The following THBS4 variants were observed in gnomAD, a reference collection of about 807,000 sequenced individuals.
THBS4 encodes the protein thrombospondin-4.
A neutral mutation model predicts 115.7 loss-of-function variants in THBS4; 90 were observed. The ratio of observed to expected loss-of-function variants is 0.78; its 90% confidence interval spans 0.66 to 0.93. The LOEUF (loss-of-function observed/expected upper bound fraction) is 0.93. Among genes scored for constraint, THBS4 ranks in the 40% least tolerant of loss-of-function variants. The pLI is 0.00. For missense variants in THBS4, 1,087 were observed against 1,232.7 expected (o/e 0.88, Z 1.77); for synonymous variants, 460 against 479.3 (o/e 0.96, Z 0.53).
At chr5:80,034,895 A>T (rs1832660014), upstream of THBS4, among the ~76,000 whole-genome samples, 1 of 152,210 alleles carries the variant, frequency 6.6e-6, no homozygotes, top group East Asian at 1.9e-4. Context: ...GGAGAACTTC[A>T]GGATTCATTC....
intron 10 of THBS4, among the ~76,000 whole-genome samples, chr5:80,069,242 G>A (rs1057287105): frequency 6.6e-6 from 1 of 152,200 alleles, no homozygotes; most frequent in Non-Finnish European, 1.5e-5. Context: ...TTTCCACAAT[G>A]AGCCTACCAC....
chr5:80,035,633 G>T lies in THBS4; in HGVS notation c.88+8G>T, dbSNP rs755066473. 24 of 1,346,020 alleles carry T rather than the reference G, an allele frequency of 1.8e-5. No individual in the cohort carries two copies. Among genetic ancestry groups the T allele is most frequent in the Non-Finnish European group, 2.0e-5 (21 of 1,046,926 alleles). The allele number at this position is 1,346,020 out of a possible 1,614,324, so 83.4% of individuals were successfully genotyped here. A position where few individuals can be genotyped will look rare whatever the true frequency, so the allele number is the denominator to read the frequency against. On this transcript the variant is annotated splice_region_variant and intron_variant, in intron 1 of 21. Coordinates refer to ENST00000350881, the MANE Select transcript of THBS4 (RefSeq NM_003248.6). The surrounding 1 kb of genome is among the most constrained non-coding windows in gnomAD (Gnocchi z 4.6). ...CCCAGGCCACCCCCCAGGGTAAGTGGGTTCGGGTCGGGCCTGGGAGCGCCG... is the reference window on the plus strand; with the variant it reads ...CCCAGGCCACCCCCCAGGGTAAGTGTGTTCGGGTCGGGCCTGGGAGCGCCG...
At chr5:80,078,285 A>C in intron 17 of THBS4, 58 bp downstream of exon 17, 7 of 1,420,070 alleles carry the variant, frequency 4.9e-6, no homozygotes. Flanking sequence ...GGCCCTTCTG[A>C]TAGTGGTAGG....
intron 19 of THBS4, among the ~76,000 whole-genome samples, chr5:80,079,693 T>C (rs1346670039): frequency 6.6e-6 from 1 of 152,098 alleles, no homozygotes; most frequent in Non-Finnish European, 1.5e-5. Context: ...GGAACAAACA[T>C]GGAATGTGTA....
chr5:80,040,853 G>A (rs971503679), intron 2 of THBS4, among the ~76,000 whole-genome samples: 8 of 152,212 alleles, frequency 5.3e-5, no homozygotes, highest in Middle Eastern at 3.2e-3. Flanking sequence ...GTGTCACAAC[G>A]TGGTGGAGAA....
chr5:80,028,809 C>G (rs902895325), intron 2 of THBS4, among the ~76,000 whole-genome samples: 14 of 152,118 alleles, frequency 9.2e-5, no homozygotes, highest in African/African-American at 3.4e-4. Flanking sequence ...GTATTTATTT[C>G]TGGCTTCTCC....
chr5:80,029,679 G>A (rs1486511461), intron 2 of THBS4, among the ~76,000 whole-genome samples: 1 of 151,944 alleles, frequency 6.6e-6, no homozygotes. Context: ...TCTACTTTGG[G>A]CCAGGCGCGG....
At position 80,059,846 on chromosome 5, in the gene THBS4, T is replaced by G. The variant is rs780062030; in HGVS notation, c.928T>G (p.Cys310Gly). ...TACCGACAGTAGAGATGGCTTCCAG[T>G]GTGGGCCCTGCCCCGAGGGCTACAC... Reference protein sequence around the residue: ...QCTDSRDGFQCGPCPEGYTGN... With the variant: ...QCTDSRDGFQGGPCPEGYTGN... Residue 310 changes from cysteine (C) to glycine (G), a missense_variant, in exon 7 of 22, where the codon TGT becomes GGT. Cys to Gly is a radical substitution (Grantham distance 159). Transcript: ENST00000350881. 1 of 1,613,704 alleles carries G rather than the reference T, an allele frequency of 6.2e-7. No homozygotes were observed. The highest frequency in any genetic ancestry group is 8.5e-7 in the Non-Finnish European group (1 of 1,179,926).
chr5:80,004,467 G>A (rs979827002), intron 2 of THBS4, among the ~76,000 whole-genome samples: 3 of 152,126 alleles, frequency 2.0e-5, no homozygotes, highest in African/African-American at 7.2e-5. Flanking sequence ...ACACTAGGGT[G>A]GCCCCTTGTT....
chr5:80,061,602 T>C, intron 7 of THBS4, 93 bp from the exon 8 acceptor site: 1 of 1,431,924 alleles, frequency 7.0e-7, no homozygotes, highest in Non-Finnish European at 9.3e-7. Flanking sequence ...AAAAGATAGT[T>C]AAATGACTAA....
At chr5:80,076,724 C>A in intron 15 of THBS4, 131 bp from the exon 16 acceptor site, 7 of 880,808 alleles carry the variant, frequency 7.9e-6, no homozygotes, top group Non-Finnish European at 1.1e-5. Flanking sequence ...GGGAATGACC[C>A]CAGTGGGTTT....
At chr5:80,042,850 C>G (rs1183353878) in intron 2 of THBS4, among the ~76,000 whole-genome samples, 1 of 152,122 alleles carries the variant, frequency 6.6e-6, no homozygotes, top group African/African-American at 2.4e-5. Context: ...CCTATAGTCA[C>G]AGCTACTCGG....
At chr5:80,029,685 C>T (rs930594134) in intron 2 of THBS4, among the ~76,000 whole-genome samples, 19 of 151,954 alleles carry the variant, frequency 1.3e-4, no homozygotes, top group Non-Finnish European at 1.6e-4. Context: ...TTGGGCCAGG[C>T]GCGGTGGCTC....
At chr5:79,992,710 G>C (rs1006170998) in intron 1 of THBS4, among the ~76,000 whole-genome samples, 1 of 152,176 alleles carries the variant, frequency 6.6e-6, no homozygotes, top group Non-Finnish European at 1.5e-5. Context: ...GGAGTTTACA[G>C]TGCACAAAGG....
chr5:80,068,140 G>T lies in THBS4; in HGVS notation c.1347+15G>T. 6.2e-7 allele frequency: 1 copy of T among 1,612,912 alleles called. No homozygotes were observed. The highest frequency in any genetic ancestry group is 1.1e-5 in the South Asian group (1 of 90,876). On this transcript the variant is annotated intron_variant, in intron 10 of 21. Transcript: ENST00000350881. The stretch of plus-strand genomic sequence containing the variant: ...TGACATGTGTGGTAAGTTGTTTTTT[G>T]ACTTCCTCTATCATTTTTCCTCTTC...
chr5:80,078,028 T>C, intron 16 of THBS4, 21 bp from the exon 17 acceptor site: 1 of 1,550,236 alleles, frequency 6.5e-7, no homozygotes, highest in South Asian at 1.2e-5. Context: ...TGAGCTCCTG[T>C]CCTTTCTCCA....
In THBS4 at chr5:80,082,976, C is replaced by A. The variant is rs577952676; in HGVS notation, c.2825-104C>A. 264 of 969,526 alleles carry A rather than the reference C, an allele frequency of 2.7e-4. 1 individual carries two copies. Among genetic ancestry groups the A allele is most frequent in the South Asian group, 2.6e-3 (187 of 70,646 alleles). The allele number at this position is 969,526 out of a possible 1,614,324, so 60.1% of individuals were successfully genotyped here. ...GCGAGGGCCTGCGGGGCGTCCTGGG[C>A]GGGCTAACAGCGCCCCCTACAGGAC... On this transcript the variant is annotated intron_variant, in intron 21 of 21. Coordinates refer to ENST00000350881, the MANE Select transcript of THBS4 (RefSeq NM_003248.6).
Position 80,068,036 on chromosome 5 carries a change from G to A in THBS4, c.1258G>A (p.Ala420Thr). The change falls in exon 10 of 22, where the codon GCG becomes ACG. Residue 420 changes from alanine to threonine, a missense_variant. Coordinates refer to ENST00000350881, the MANE Select transcript of THBS4 (RefSeq NM_003248.6). Reference protein sequence around the residue: ...YTGDQIRGCKAERNCRNPELN... With the variant: ...YTGDQIRGCKTERNCRNPELN... ...TGGTGATCAGATAAGGGGATGCAAA[G>A]CGGAAAGAAACTGCAGAAACCCAGA... 1.9e-6 allele frequency: 3 copies of A among 1,614,242 alleles called. No homozygotes were observed. Among genetic ancestry groups the A allele is most frequent in the Non-Finnish European group, 2.5e-6 (3 of 1,180,048 alleles).
intron 1 of THBS4, among the ~76,000 whole-genome samples, chr5:79,993,078 GTGAA>G (rs1248711456): frequency 6.6e-6 from 1 of 152,216 alleles, no homozygotes; most frequent in Non-Finnish European, 1.5e-5. Flanking sequence ...ACTGAGAGGA[GTGAA>G]TGAACATTCT....
Sources: allele counts gnomAD v4.1 joint callset (sites outside exome capture counted in the v4.1 genomes callset), GRCh38; gene constraint gnomAD v4.1.1; non-coding constraint Gnocchi (gnomAD v3.1); transcripts MANE v1.5; gene names NCBI Gene and HGNC (gene_info 2026-07-23, HGNC 2026-07-21).